The following SMARCD2 variants were observed in gnomAD, a reference collection of about 807,000 sequenced individuals.
The protein encoded by SMARCD2 is SWI/SNF related BAF chromatin remodeling complex subunit D2, also known as SWI/SNF-related matrix-associated actin-dependent regulator of chromatin subfamily D member 2.
Under a neutral mutation model 70.4 loss-of-function variants are expected in SMARCD2, and 39 were observed. That is an observed-to-expected ratio of 0.55 (90% CI 0.43 to 0.72). SMARCD2 has a LOEUF of 0.72. Ranked by LOEUF, SMARCD2 falls within the 30% of genes least tolerant of loss-of-function variation. The pLI, the probability that SMARCD2 is intolerant of heterozygous loss-of-function variation, is 0.00. For missense variants in SMARCD2, 540 were observed against 713.4 expected (o/e 0.76, Z 2.77); for synonymous variants, 249 against 279.4 (o/e 0.89, Z 1.08).
chr17:63,834,114 A>T lies in SMARCD2; in HGVS notation c.1083+53T>A. The T allele has an allele frequency of 6.2e-7, 1 of 1,601,748 alleles. No individual in the cohort carries two copies. The highest frequency in any genetic ancestry group is 1.1e-5 in the South Asian group (1 of 90,416). On this transcript the variant is annotated intron_variant, in intron 8 of 12. Coordinates refer to ENST00000448276, the MANE Select transcript of SMARCD2 (RefSeq NM_001098426.2). The surrounding 1 kb of genome is among the most constrained non-coding windows in gnomAD (Gnocchi z 5.6). The stretch of plus-strand genomic sequence containing the variant: ...GCAGGCTGTGGCCAAGGAGTAGCCC[A>T]GCAGGCAAGGCAAAGCAAGGGCTGA...
At position 63,835,458 on chromosome 17, in the gene SMARCD2, T is replaced by C. The variant is rs2040253176; in HGVS notation, c.677A>G (p.Lys226Arg). Residue 226 changes from lysine to arginine, a missense_variant, in exon 5 of 13, where the codon AAG becomes AGG. Transcript: ENST00000448276. ...CACTCGGAGTTCCCAGGAAGCCACC[T>C]TGTCCCCTGCTGGGGTTCCCCCAGG... ...GTPGGTPAGD[K>R]VASWELRVEG... is the part of the protein sequence containing the mutation. 6.2e-7 allele frequency: 1 copy of C among 1,613,926 alleles called. No homozygotes were observed. The highest frequency in any genetic ancestry group is 1.1e-5 in the South Asian group (1 of 91,088).
At chr17:63,835,178 C>T (rs1666949488) in intron 5 of SMARCD2, 1 of 558,858 alleles carries the variant, frequency 1.8e-6, no homozygotes, top group Non-Finnish European at 3.2e-6. Context: ...GGCTGAAGTG[C>T]AGTGGTGTGA....
At chr17:63,839,243 A>G (rs1904342763) in intron 1 of SMARCD2, 1 of 985,260 alleles carries the variant, frequency 1.0e-6, no homozygotes. Context: ...GCCTGAGACA[A>G]AGACAGGGAA....
intron 4 of SMARCD2, 87 bp downstream of exon 4, chr17:63,836,835 T>C: frequency 1.4e-6 from 2 of 1,395,318 alleles, no homozygotes; most frequent in South Asian, 1.2e-5. Flanking sequence ...AACCCGGCTC[T>C]AGCCCAACTT....
Position 63,835,403 on chromosome 17 carries a change from C to T in SMARCD2, c.723+9G>A. 6.2e-7 allele frequency: 1 copy of T among 1,611,780 alleles called. No individual in the cohort carries two copies. Among genetic ancestry groups the T allele is most frequent in the South Asian group, 1.1e-5 (1 of 90,798 alleles). ...CTCCTTCCCTCCAGAACCTCCCTCCCCAACTCACATCATCCAGCAGTTTTC... is the reference window on the plus strand; with the variant it reads ...CTCCTTCCCTCCAGAACCTCCCTCCTCAACTCACATCATCCAGCAGTTTTC... On this transcript the variant is annotated intron_variant, in intron 5 of 12. Coordinates refer to ENST00000448276, the MANE Select transcript of SMARCD2 (RefSeq NM_001098426.2).
In SMARCD2 at chr17:63,833,486, C is replaced by G. The variant is rs933516026; in HGVS notation, c.1318-66G>C. 2 of 1,609,316 alleles carry G rather than the reference C, an allele frequency of 1.2e-6. No individual in the cohort carries two copies. Among genetic ancestry groups the G allele is most frequent in the South Asian group, 2.2e-5 (2 of 90,678 alleles). On this transcript the variant is annotated intron_variant, in intron 10 of 12. Transcript: ENST00000448276. The surrounding 1 kb of genome is among the most constrained non-coding windows in gnomAD (Gnocchi z 4.3). ...ACATGCAAGCAACTGAGCCAGAGTT[C>G]CCATCCCGTCCTCCAGGTGCTACAT... is the stretch of plus-strand genomic sequence containing the variant.
rs2040282913 is a variant in SMARCD2 at position 63,837,596 on chromosome 17, C to A, written c.246G>T (p.Met82Ile). The change falls in exon 2 of 13, where the codon ATG becomes ATT. Residue 82 changes from methionine (M) to isoleucine (I), a missense_variant. Coordinates refer to ENST00000448276, the MANE Select transcript of SMARCD2 (RefSeq NM_001098426.2). The surrounding 1 kb of genome is among the most constrained non-coding windows in gnomAD (Gnocchi z 6.4). ...GTCCCACCTGCAAGCCAGCCATGGG[C>A]ATCCGGTTCCCTGGTGACATGCCAG... ...QRPGMSPGNR[M>I]PMAGLQVGPP... The A allele has an allele frequency of 6.2e-7, 1 of 1,613,110 alleles. No individual in the cohort carries two copies. Among genetic ancestry groups the A allele is most frequent in the African/African-American group, 1.3e-5 (1 of 75,028 alleles).
Position 63,835,454 on chromosome 17 carries a change from C to T in SMARCD2, c.681G>A (p.Val227=), listed in dbSNP as rs1430305144. The change falls in exon 5 of 13, where the codon GTG becomes GTA. Residue 227 remains valine, a synonymous_variant. Transcript: ENST00000448276. ...CTTCCACTCGGAGTTCCCAGGAAGC[C>T]ACCTTGTCCCCTGCTGGGGTTCCCC... ...TPGGTPAGDK[V]ASWELRVEGK... 1.2e-6 allele frequency: 2 copies of T among 1,613,820 alleles called. No individual in the cohort carries two copies. Among genetic ancestry groups the T allele is most frequent in the Non-Finnish European group, 1.7e-6 (2 of 1,179,776 alleles).
At chr17:63,836,282 G>C (rs774040708) in intron 4 of SMARCD2, among the ~76,000 whole-genome samples, 1 of 151,958 alleles carries the variant, frequency 6.6e-6, no homozygotes, top group Non-Finnish European at 1.5e-5. Context: ...TCAGCACTTT[G>C]GGAGGCCGAG....
chr17:63,840,758 G>A (rs1238394346), intron 1 of SMARCD2, among the ~76,000 whole-genome samples: 5 of 152,200 alleles, frequency 3.3e-5, no homozygotes, highest in Non-Finnish European at 7.3e-5. Context: ...AAGTTAGCTG[G>A]CTGGGTTCTC....
chr17:63,838,909 C>A (rs1904331708), intron 1 of SMARCD2: 1 of 985,176 alleles, frequency 1.0e-6, no homozygotes, highest in African/African-American at 1.7e-5. Flanking sequence ...ATGTTCCCAA[C>A]ACAGAGGGTC....
In SMARCD2 at chr17:63,837,126, T is replaced by C; in HGVS notation, c.444+69A>G. ...CTCCCTTCCTGCTGCAGCCCAGCTT[T>C]GAGAGAGATGGACACCCACCCCAAG... On this transcript the variant is annotated intron_variant, in intron 3 of 12. Transcript: ENST00000448276. This position sits in a 1 kb window ranked among gnomAD's most constrained non-coding sequence, Gnocchi z 6.4. 11 of 1,612,414 alleles carry C rather than the reference T, an allele frequency of 6.8e-6. No homozygotes were observed. Among genetic ancestry groups the C allele is most frequent in the African/African-American group, 1.3e-5 (1 of 75,018 alleles).
In SMARCD2 at chr17:63,837,783, GCA is replaced by G. The variant is rs1379908677; in HGVS notation, c.217-160_217-159del. ...GGAACAAAGGGGAGTGGGCGCCTGA[GCA>G]CAGAGTGTAAACCACACCTGCCCTG... On this transcript the variant is annotated intron_variant, in intron 1 of 12. Coordinates refer to ENST00000448276, the MANE Select transcript of SMARCD2 (RefSeq NM_001098426.2). The surrounding 1 kb of genome is among the most constrained non-coding windows in gnomAD (Gnocchi z 6.4). Among the ~76,000 whole-genome samples, 1 of 152,186 alleles carries G rather than the reference GCA, an allele frequency of 6.6e-6. No individual in the cohort carries two copies. Among genetic ancestry groups the G allele is most frequent in the Non-Finnish European group, 1.5e-5 (1 of 68,026 alleles).
At chr17:63,835,013 A>C in intron 5 of SMARCD2, 1 of 584,492 alleles carries the variant, frequency 1.7e-6, no homozygotes, top group Non-Finnish European at 3.0e-6. Flanking sequence ...GAGACACTCG[A>C]CTGCCATCTG....
chr17:63,833,812 CAG>C lies in SMARCD2; in HGVS notation c.1182-92_1182-91del, dbSNP rs1169113068. The C allele has an allele frequency of 8.2e-6, 13 of 1,582,096 alleles. No homozygotes were observed. In the East Asian group the frequency reaches 2.5e-4, roughly 30 times the overall value. On this transcript the variant is annotated intron_variant, in intron 9 of 12. Coordinates refer to ENST00000448276, the MANE Select transcript of SMARCD2 (RefSeq NM_001098426.2). This position sits in a 1 kb window ranked among gnomAD's most constrained non-coding sequence, Gnocchi z 4.3. ...CTGGGGCCCATTCTCTGCACACACT[CAG>C]GGAAAAAGAAACCTGATGCTTTCTT...
chr17:63,833,605 G>T lies in SMARCD2; in HGVS notation c.1299C>A (p.Ile433=), dbSNP rs201864202. The T allele has an allele frequency of 1.2e-6, 2 of 1,613,910 alleles. No homozygotes were observed. Among genetic ancestry groups the T allele is most frequent in the Non-Finnish European group, 1.7e-6 (2 of 1,179,904 alleles). Residue 433 remains isoleucine (I), a synonymous_variant, in exon 10 of 13, where the codon ATC becomes ATA. Transcript: ENST00000448276. The surrounding 1 kb of genome is among the most constrained non-coding windows in gnomAD (Gnocchi z 4.3). ...GGCCCACCTTGACATCAAGGGAGGC[G>T]ATCTCCTGCTGATTGGTGGTAGAGG... ...FLASTTNQQE[I]ASLDVKIHET... is the part of the protein sequence containing the mutation.
intron 1 of SMARCD2, chr17:63,838,562 T>C: frequency 7.2e-7 from 1 of 1,382,504 alleles, no homozygotes; most frequent in Admixed American, 2.8e-5. Flanking sequence ...AGCAGGAAAG[T>C]GGGAGACAGA....
Position 63,834,546 on chromosome 17 carries a change from T to C in SMARCD2, c.849A>G (p.Thr283=). ...EWHRMPTTQE[T]DGFQVKRPGD... ...CAGGCCGTTTTACTTGGAAGCCATC[T>C]GTCTCCTGGGTGGTGGGCATCCGGT... The change falls in exon 7 of 13, where the codon ACA becomes ACG. Residue 283 remains threonine, a synonymous_variant. Transcript: ENST00000448276. The surrounding 1 kb of genome is among the most constrained non-coding windows in gnomAD (Gnocchi z 5.6). The C allele has an allele frequency of 1.2e-6, 2 of 1,607,646 alleles. No individual in the cohort carries two copies. The highest frequency in any genetic ancestry group is 1.1e-5 in the South Asian group (1 of 90,720).
In SMARCD2 at chr17:63,837,966, G is replaced by A. The variant is rs2028567; in HGVS notation, c.217-341C>T. Among the ~76,000 whole-genome samples, 106,468 of 151,994 alleles carry A rather than the reference G, an allele frequency of 0.7. 38,738 individuals are homozygous for A. Among genetic ancestry groups the A allele is most frequent in the African/African-American group, 0.92 (38,095 of 41,500 alleles). On this transcript the variant is annotated intron_variant, in intron 1 of 12. Transcript: ENST00000448276. This position sits in a 1 kb window ranked among gnomAD's most constrained non-coding sequence, Gnocchi z 6.4. ...CAGCATGCTGTGCCCTATTCCCTGG[G>A]CAAGCTGGTCCCTATTCTCTCAGAC...
Sources: allele counts gnomAD v4.1 joint callset (sites outside exome capture counted in the v4.1 genomes callset), GRCh38; gene constraint gnomAD v4.1.1; non-coding constraint Gnocchi (gnomAD v3.1); transcripts MANE v1.5; gene names NCBI Gene and HGNC (gene_info 2026-07-23, HGNC 2026-07-21).